ENPP2: variants seen among roughly 807,000 people sequenced by gnomAD.
The protein encoded by ENPP2 is ectonucleotide pyrophosphatase/phosphodiesterase 2.
In ENPP2, 51 loss-of-function variants were observed where a neutral mutation model predicts 120.2. The ratio of observed to expected loss-of-function variants is 0.42; its 90% CI spans 0.34 to 0.54. ENPP2 has a LOEUF of 0.54. ENPP2 is among the 20% of genes least tolerant of loss of function. The pLI is 0.04. For synonymous variants in ENPP2, 365 were observed against 366.4 expected (o/e 1.00, Z 0.04); for missense variants, 920 against 1,066.5 (o/e 0.86, Z 1.91).
At chr8:119,650,246 T>G (rs1215248354) in intron 1 of ENPP2, among the ~76,000 whole-genome samples, 4 of 152,212 alleles carry the variant, frequency 2.6e-5, no homozygotes, top group African/African-American at 9.6e-5. Context: ...AAAAGCCACA[T>G]GTTTTATGAT....
intron 19 of ENPP2, among the ~76,000 whole-genome samples, chr8:119,576,142 T>C (rs1349667744): frequency 6.6e-6 from 1 of 152,232 alleles, no homozygotes; most frequent in East Asian, 1.9e-4. Context: ...AAGTCAATTT[T>C]CTTTTTCTTT....
At chr8:119,655,869 A>G (rs1258297115) in intron 1 of ENPP2, among the ~76,000 whole-genome samples, 2 of 152,186 alleles carry the variant, frequency 1.3e-5, no homozygotes, top group Non-Finnish European at 2.9e-5. Flanking sequence ...CACACTATGC[A>G]ATGGGACATT....
At chr8:119,589,786 T>C (rs1412194385) in intron 13 of ENPP2, among the ~76,000 whole-genome samples, 1 of 152,172 alleles carries the variant, frequency 6.6e-6, no homozygotes, top group Non-Finnish European at 1.5e-5. Flanking sequence ...TAAAGAATTT[T>C]TTTTTCAAAG....
intron 7 of ENPP2, among the ~76,000 whole-genome samples, chr8:119,616,634 G>A (rs1815477407): frequency 6.6e-6 from 1 of 152,006 alleles, no homozygotes; most frequent in Non-Finnish European, 1.5e-5. Context: ...TTTTTCTGCT[G>A]TAATTTAAGA....
chr8:119,653,852 G>A (rs948267463), intron 1 of ENPP2, among the ~76,000 whole-genome samples: 1 of 151,824 alleles, frequency 6.6e-6, no homozygotes, highest in African/African-American at 2.4e-5. Context: ...AGGGGAGAAG[G>A]TGGGTGTGCA....
At chr8:119,621,604 A>G in intron 3 of ENPP2, 85 bp from the exon 4 acceptor site, 1 of 1,443,022 alleles carries the variant, frequency 6.9e-7, no homozygotes, top group South Asian at 1.2e-5. Context: ...TTTCCAATGA[A>G]GAAAGCTAAA....
At chr8:119,661,342 A>G (rs1179600978) in intron 1 of ENPP2, among the ~76,000 whole-genome samples, 1 of 152,196 alleles carries the variant, frequency 6.6e-6, no homozygotes, top group African/African-American at 2.4e-5. Context: ...ATAAAAAATA[A>G]TGGTTGAAGA....
At chr8:119,660,222 AAC>A (rs1403961198) in intron 1 of ENPP2, among the ~76,000 whole-genome samples, 3 of 152,220 alleles carry the variant, frequency 2.0e-5, no homozygotes, top group African/African-American at 7.2e-5. Context: ...ACTTTGAAAA[AAC>A]AGTTATTTGA....
At position 119,593,390 on chromosome 8, in the gene ENPP2, G is replaced by A. The variant is rs565989536; in HGVS notation, c.1081+362C>T. Among the ~76,000 whole-genome samples, 10 of 152,198 alleles carry A rather than the reference G, an allele frequency of 6.6e-5. No homozygotes were observed. The South Asian group carries it at 2.1e-3, about 32-fold the overall frequency. On this transcript the variant is annotated intron_variant, in intron 12 of 24. Transcript: ENST00000075322. ...ATATAAACTCCATGGGCTCGTTTTG[G>A]GGATGTGGCTGGCAGGGATAGGAGA...
intron 5 of ENPP2, among the ~76,000 whole-genome samples, chr8:119,617,977 C>T (rs973612686): frequency 2.0e-5 from 3 of 152,012 alleles, no homozygotes; most frequent in Admixed American, 6.6e-5. Flanking sequence ...ATAAAATAAC[C>T]GAACATATTC....
At chr8:119,638,571 G>C (rs577999644) in intron 1 of ENPP2, 44 bp from the exon 2 acceptor site, 1 of 1,223,534 alleles carries the variant, frequency 8.2e-7, no homozygotes, top group Non-Finnish European at 1.2e-6. Context: ...AGCTGGAGAA[G>C]ACTAAATCAA....
In ENPP2 at chr8:119,590,595, A is replaced by G; in HGVS notation, c.1117T>C (p.Leu373=). ...TCCACATTAGTTAGGTAATTACTCA[A>G]GAACTCAGTTCTATCACATGTGACA... ...EDVTCDRTEF[L]SNYLTNVDDI... Residue 373 remains leucine (L), a synonymous_variant, in exon 13 of 25, where the codon TTG becomes CTG. Coordinates refer to ENST00000075322, the MANE Select transcript of ENPP2 (RefSeq NM_001040092.3). 1.3e-6 allele frequency: 2 copies of G among 1,591,890 alleles called. No homozygotes were observed. The highest frequency in any genetic ancestry group is 8.6e-7 in the Non-Finnish European group (1 of 1,167,840).
intron 1 of ENPP2, among the ~76,000 whole-genome samples, chr8:119,645,698 C>T (rs1246475630): frequency 6.6e-6 from 1 of 151,798 alleles, no homozygotes; most frequent in Non-Finnish European, 1.5e-5. Context: ...GCCTGTCATT[C>T]CAGCTACTTG....
rs1817946673 is a variant in ENPP2 at position 119,662,371 on chromosome 8, T to G, written c.21+10881A>C. On this transcript the variant is annotated intron_variant, in intron 1 of 25. Coordinates refer to the ENPP2 transcript ENST00000427067. ...TTGCATAGATATATAAATAAATAAT[T>G]TTATTTAGAATCTAGACCAATGGGT... Among the ~76,000 whole-genome samples the G allele has an allele frequency of 2.0e-5, 3 of 152,108 alleles. No individual in the cohort carries two copies. In the South Asian group the frequency reaches 6.2e-4, roughly 32 times the overall value.
intron 3 of ENPP2, among the ~76,000 whole-genome samples, chr8:119,625,452 G>C (rs1816203678): frequency 6.6e-6 from 1 of 152,152 alleles, no homozygotes; most frequent in Non-Finnish European, 1.5e-5. Context: ...GTTTATGTTG[G>C]ATTTCATATA....
In ENPP2 at chr8:119,570,856, A is replaced by T. The variant is rs1210077071; in HGVS notation, c.1781-15T>A. The T allele has an allele frequency of 2.6e-6, 4 of 1,531,152 alleles. No homozygotes were observed. The highest frequency in any genetic ancestry group is 1.4e-5 in the African/African-American group (1 of 70,354). 94.8% of individuals were successfully genotyped at this position (1,531,152 alleles called of 1,614,324 possible). On this transcript the variant is annotated splice_polypyrimidine_tract_variant and intron_variant, in intron 19 of 24. Transcript: ENST00000075322. ...GAGGTGTCTCTCTAAAAAAGAAAAAAAATAAACTGTGTTAGGTGCATATTA... is the reference window on the plus strand; with the variant it reads ...GAGGTGTCTCTCTAAAAAAGAAAAATAATAAACTGTGTTAGGTGCATATTA...
In ENPP2 at chr8:119,572,388, A is replaced by G. The variant is rs577070307; in HGVS notation, c.1781-1547T>C. The G allele has an allele frequency of 1.2e-5, 8 of 679,712 alleles. No individual in the cohort carries two copies. In the East Asian group the frequency reaches 2.2e-4, roughly 19 times the overall value. The allele number at this position is 679,712 out of a possible 1,614,324, so 42.1% of individuals were successfully genotyped here. On this transcript the variant is annotated intron_variant, in intron 19 of 24. Coordinates refer to ENST00000075322, the MANE Select transcript of ENPP2 (RefSeq NM_001040092.3). ...CGATTCCATTAGGGGACAATAAAAT[A>G]GCAGCCATGTTCCCATACGCAATAC...
chr8:119,663,195 G>T (rs375550630), intron 1 of ENPP2, among the ~76,000 whole-genome samples: 28 of 151,698 alleles, frequency 1.8e-4, no homozygotes, highest in African/African-American at 6.8e-4. Flanking sequence ...TGGTTCCCAC[G>T]AGATGAGCAG....
chr8:119,630,710 T>C (rs886561807), intron 2 of ENPP2, among the ~76,000 whole-genome samples: 11 of 152,150 alleles, frequency 7.2e-5, no homozygotes, highest in Non-Finnish European at 1.3e-4. Flanking sequence ...TATTGACAGC[T>C]TCAAATTAGG....
Sources: allele counts gnomAD v4.1 joint callset (sites outside exome capture counted in the v4.1 genomes callset), GRCh38; gene constraint gnomAD v4.1.1; transcripts MANE v1.5; gene names NCBI Gene and HGNC (gene_info 2026-07-23, HGNC 2026-07-21).